The following ATP2A2 variants were observed in gnomAD, a reference collection of about 807,000 sequenced individuals.
The protein encoded by ATP2A2 is ATPase sarcoplasmic/endoplasmic reticulum Ca2+ transporting 2.
Under a neutral mutation model 109.3 loss-of-function variants are expected in ATP2A2, and 14 were observed. The ratio of observed to expected loss-of-function variants is 0.13; its 90% CI spans 0.08 to 0.20. The LOEUF (loss-of-function observed/expected upper bound fraction) is 0.20, where lower values mean the gene tolerates loss of function less well. ATP2A2 is among the 10% of genes least tolerant of loss of function. ATP2A2 has a pLI of 1.00. For missense variants in ATP2A2, 657 were observed against 1,321.6 expected (o/e 0.50, Z 7.80); for synonymous variants, 506 against 490.9 (o/e 1.03, Z -0.41).
chr12:110,282,560 C>A, intron 1 of ATP2A2, 44 bp from the exon 2 acceptor site: 1 of 1,599,870 alleles, frequency 6.3e-7, no homozygotes, highest in Non-Finnish European at 8.5e-7. Context: ...TTTTTTTTAA[C>A]CTCCCTCTTG....
chr12:110,284,519 TTGAG>T (rs1210943106), intron 3 of ATP2A2, among the ~76,000 whole-genome samples: 1 of 152,198 alleles, frequency 6.6e-6, no homozygotes, highest in Non-Finnish European at 1.5e-5. Flanking sequence ...AGTGGCCAGT[TTGAG>T]TGACTTTATA....
chr12:110,293,156 C>A (rs1324636765), intron 4 of ATP2A2, among the ~76,000 whole-genome samples: 1 of 152,100 alleles, frequency 6.6e-6, no homozygotes, highest in Non-Finnish European at 1.5e-5. Flanking sequence ...CGGCTCACTG[C>A]AACCTCCGCC....
In ATP2A2 at chr12:110,347,566, GTA is replaced by G. The variant is rs1879997011; in HGVS notation, c.*1098_*1099del. ...GTATAGAGAACATAAGGGCAAGTGT[GTA>G]TGTGTGTGTATGTGTGTGTTTTGTA... is the stretch of plus-strand genomic sequence containing the variant. On this transcript the variant is annotated 3_prime_UTR_variant, in exon 20 of 20. Transcript: ENST00000539276. The G allele has an allele frequency of 1.4e-5, 18 of 1,249,208 alleles. No individual in the cohort carries two copies. Among genetic ancestry groups the G allele is most frequent in the Non-Finnish European group, 1.8e-5 (17 of 965,920 alleles). The allele number at this position is 1,249,208 out of a possible 1,614,324, so 77.4% of individuals were successfully genotyped here.
In ATP2A2 at chr12:110,281,773, GC is replaced by G. The variant is rs1872112237; in HGVS notation, c.-15del. The stretch of plus-strand genomic sequence containing the variant: ...GCCGCGGGGACGGGAGGCGAGGCCG[GC>G]CGGGCCCCCGAAGCCATGGAGAACG... On this transcript the variant is annotated 5_prime_UTR_variant, in exon 1 of 20. Transcript: ENST00000539276. 1 of 1,484,890 alleles carries G rather than the reference GC, an allele frequency of 6.7e-7. No homozygotes were observed. The highest frequency in any genetic ancestry group is 9.0e-7 in the Non-Finnish European group (1 of 1,112,450). The allele number at this position is 1,484,890 out of a possible 1,614,324, so 92.0% of individuals were successfully genotyped here.
Position 110,326,489 on chromosome 12 carries a change from G to C in ATP2A2, c.630+14G>C. ...ATGCTGTTTTCTGTAAGTACTTTATGAAATGTGTTTTTATTTACAGACATT... is the reference window on the plus strand; with the variant it reads ...ATGCTGTTTTCTGTAAGTACTTTATCAAATGTGTTTTTATTTACAGACATT... On this transcript the variant is annotated intron_variant, in intron 7 of 19. Coordinates refer to ENST00000539276, the MANE Select transcript of ATP2A2 (RefSeq NM_170665.4). 6.3e-7 allele frequency: 1 copy of C among 1,599,064 alleles called. No individual in the cohort carries two copies. Among genetic ancestry groups the C allele is most frequent in the Non-Finnish European group, 8.6e-7 (1 of 1,167,636 alleles).
chr12:110,282,653 CCT>C (rs1325529315), intron 2 of ATP2A2, 32 bp downstream of exon 2: 3 of 1,612,520 alleles, frequency 1.9e-6, no homozygotes, highest in Admixed American at 1.7e-5. Context: ...TGTTTTTTTT[CCT>C]CTGTTGGTGT....
At chr12:110,282,154 G>C (rs1872177059) in intron 1 of ATP2A2, among the ~76,000 whole-genome samples, 2 of 152,150 alleles carry the variant, frequency 1.3e-5, no homozygotes, top group Admixed American at 6.5e-5. Flanking sequence ...CTTCTCTCCA[G>C]CAGCAGCCGG....
At chr12:110,318,049 A>G in intron 5 of ATP2A2, among the ~76,000 whole-genome samples, 1 of 152,308 alleles carries the variant, frequency 6.6e-6, no homozygotes, top group Non-Finnish European at 1.5e-5. Context: ...AGAATTTTCC[A>G]CTACCACTTG....
intron 5 of ATP2A2, 55 bp from the exon 6 acceptor site, chr12:110,322,937 A>G: frequency 1.6e-6 from 2 of 1,227,254 alleles, no homozygotes; most frequent in African/African-American, 1.5e-5. Context: ...TCATCTTTAG[A>G]TAACATAGTT....
chr12:110,304,795 TG>T (rs1875086576), intron 5 of ATP2A2, among the ~76,000 whole-genome samples: 1 of 152,202 alleles, frequency 6.6e-6, no homozygotes, highest in South Asian at 2.1e-4. Flanking sequence ...CTTGTGCTTT[TG>T]GTGTGATGTC....
chr12:110,305,685 T>G (rs1309552326), intron 5 of ATP2A2, among the ~76,000 whole-genome samples: 1 of 152,186 alleles, frequency 6.6e-6, no homozygotes, highest in Non-Finnish European at 1.5e-5. Context: ...GGAGTGTAAC[T>G]TTGTTCAAGA....
At chr12:110,291,119 G>T (rs1249945024) in intron 3 of ATP2A2, among the ~76,000 whole-genome samples, 1 of 152,038 alleles carries the variant, frequency 6.6e-6, no homozygotes, top group Non-Finnish European at 1.5e-5. Flanking sequence ...TGTTGGTCAG[G>T]CTGGTCTCGA....
intron 3 of ATP2A2, among the ~76,000 whole-genome samples, chr12:110,285,416 G>A (rs567423255): frequency 3.3e-5 from 5 of 152,180 alleles, no homozygotes; most frequent in African/African-American, 9.6e-5. Flanking sequence ...GTAACACATC[G>A]TATGGTTGCT....
intron 5 of ATP2A2, among the ~76,000 whole-genome samples, chr12:110,307,785 A>G (rs936986082): frequency 6.9e-6 from 1 of 145,488 alleles, no homozygotes; most frequent in Non-Finnish European, 1.5e-5. Context: ...ATTTTCTCCA[A>G]TTCTGTAGGT....
intron 5 of ATP2A2, among the ~76,000 whole-genome samples, chr12:110,319,223 GAAAAAAA>G (rs59623372): frequency 1.3e-3 from 80 of 63,434 alleles, no homozygotes; most frequent in African/African-American, 3.8e-3. Context: ...AATAAAAAAT[GAAAAAAA>G]AAAAAAAAAA....
chr12:110,303,810 C>T (rs192727709), intron 5 of ATP2A2, among the ~76,000 whole-genome samples: 82 of 152,324 alleles, frequency 5.4e-4, no homozygotes, highest in Non-Finnish European at 9.8e-4. Flanking sequence ...ATCCACCTGC[C>T]TCAGCCTCCC....
rs113563944 is a variant in ATP2A2 at position 110,311,163 on chromosome 12, T to C, written c.464-11829T>C. On this transcript the variant is annotated intron_variant, in intron 5 of 19. Coordinates refer to ENST00000539276, the MANE Select transcript of ATP2A2 (RefSeq NM_170665.4). ...CTTTAAACATTTAGCAAACATTAAA[T>C]GCTCTTTAACACAAAACAGAGTAGT... Among the ~76,000 whole-genome samples the C allele has an allele frequency of 1.1e-4, 17 of 152,320 alleles. 1 individual carries two copies. Among genetic ancestry groups the C allele is most frequent in the African/African-American group, 3.8e-4 (16 of 41,586 alleles).
In ATP2A2 at chr12:110,282,764, G is replaced by C; in HGVS notation, c.188G>C (p.Arg63Thr). 6.2e-7 allele frequency: 1 copy of C among 1,613,890 alleles called. No homozygotes were observed. The highest frequency in any genetic ancestry group is 8.5e-7 in the Non-Finnish European group (1 of 1,179,948). ...GAGCAGTTTGAAGACTTGCTAGTTAGGATTTTATTACTGGCAGCATGTATA... is the reference window on the plus strand; with the variant it reads ...GAGCAGTTTGAAGACTTGCTAGTTACGATTTTATTACTGGCAGCATGTATA... ...VIEQFEDLLVRILLLAACISF... is the reference protein window; with the variant it reads ...VIEQFEDLLVTILLLAACISF... Residue 63 changes from arginine (R) to threonine (T), a missense_variant, in exon 3 of 20, where the codon AGG becomes ACG. Transcript: ENST00000539276.
At chr12:110,324,865 G>A (rs185615676) in intron 6 of ATP2A2, among the ~76,000 whole-genome samples, 4 of 146,288 alleles carry the variant, frequency 2.7e-5, no homozygotes, top group East Asian at 4.0e-4. Flanking sequence ...GTTGCACTCT[G>A]TGGCCCAGTG....
Sources: allele counts gnomAD v4.1 joint callset (sites outside exome capture counted in the v4.1 genomes callset), GRCh38; gene constraint gnomAD v4.1.1; transcripts MANE v1.5; gene names NCBI Gene and HGNC (gene_info 2026-07-23, HGNC 2026-07-21).